The following LRP1B variants were observed in gnomAD, a reference collection of about 807,000 sequenced individuals.
The protein encoded by LRP1B is LDL receptor related protein 1B, also known as low-density lipoprotein receptor-related protein 1B.
LRP1B carries 217 observed loss-of-function variants against 556.6 expected under a neutral mutation model. The observed-to-expected ratio is 0.39, with a 90% CI of 0.35 to 0.44. The LOEUF is 0.44. LRP1B is among the 20% of genes least tolerant of loss of function. The probability of loss-of-function intolerance (pLI) is 1.00; values close to 1 mark genes in which losing one functional copy is unlikely to be tolerated. For synonymous variants in LRP1B, 2,047 were observed against 1,865.8 expected, an observed-to-expected ratio of 1.10 and a Z score of -2.50; for missense variants, 5,053 against 5,620.8, an observed-to-expected ratio of 0.90 and a Z score of 3.23.
At chr2:140,985,557 G>A (rs551839212) in intron 17 of LRP1B, among the ~76,000 whole-genome samples, 2 of 151,686 alleles carry the variant, frequency 1.3e-5, no homozygotes, top group Non-Finnish European at 2.9e-5. Flanking sequence ...CAGTCTCTGG[G>A]TCTCCCTCAG....
intron 2 of LRP1B, among the ~76,000 whole-genome samples, chr2:141,753,263 C>CACATATATATATATATATATAT (rs1553459356): frequency 1.6e-5 from 1 of 62,502 alleles, no homozygotes; most frequent in African/African-American, 6.0e-5. Context: ...TCTCTCTCTC[C>CACATATATATATATATATATAT]ATATATATAT....
chr2:141,997,377 A>ATG (rs199813219), intron 1 of LRP1B, among the ~76,000 whole-genome samples: 121,891 of 144,160 alleles, frequency 0.85, 51,654 homozygotes, highest in East Asian at 0.95. Context: ...AATATCCAAG[A>ATG]TGTGTGTGTG....
At chr2:140,800,275 C>A (rs892149805) in intron 32 of LRP1B, among the ~76,000 whole-genome samples, 4 of 151,988 alleles carry the variant, frequency 2.6e-5, no homozygotes, top group African/African-American at 7.3e-5. Context: ...GGAGGGAAAG[C>A]ATTAGGAAAT....
chr2:140,411,456 C>G (rs1446843633), intron 66 of LRP1B, among the ~76,000 whole-genome samples: 1 of 151,960 alleles, frequency 6.6e-6, no homozygotes, highest in East Asian at 1.9e-4. Context: ...AAACTATATT[C>G]AAATTCTTGC....
At chr2:140,610,698 G>T (rs1683040216) in intron 41 of LRP1B, among the ~76,000 whole-genome samples, 1 of 152,206 alleles carries the variant, frequency 6.6e-6, no homozygotes, top group South Asian at 2.1e-4. Context: ...CCATTCTCCT[G>T]CCTCAGCCTC....
chr2:141,294,470 C>G, intron 3 of LRP1B, among the ~76,000 whole-genome samples: 1 of 151,864 alleles, frequency 6.6e-6, no homozygotes, highest in Admixed American at 6.6e-5. Flanking sequence ...TGCCTGTAAT[C>G]CTATCACTCT....
intron 85 of LRP1B, among the ~76,000 whole-genome samples, chr2:140,273,094 TAA>T (rs1682535059): frequency 6.6e-6 from 1 of 151,772 alleles, no homozygotes; most frequent in South Asian, 2.1e-4. Context: ...TTTTCCAAGG[TAA>T]AATGGGTAGG....
intron 46 of LRP1B, among the ~76,000 whole-genome samples, chr2:140,534,945 A>T (rs1476750435): frequency 6.6e-6 from 1 of 152,184 alleles, no homozygotes; most frequent in African/African-American, 2.4e-5. Flanking sequence ...TTACACTAGC[A>T]GGTTTGGGAA....
intron 2 of LRP1B, among the ~76,000 whole-genome samples, chr2:141,732,261 A>T (rs978203): frequency 0.68 from 104,015 of 152,044 alleles, 37,417 homozygotes; most frequent in East Asian, 0.89. Flanking sequence ...ATTTAAAAAA[A>T]TCTGTAACTG....
intron 5 of LRP1B, among the ~76,000 whole-genome samples, chr2:141,245,747 T>C (rs1684042860): frequency 6.6e-6 from 1 of 152,208 alleles, no homozygotes; most frequent in African/African-American, 2.4e-5. Context: ...GAAAACTGTG[T>C]AGAAACTACA....
At chr2:141,095,608 A>G (rs1179521139) in intron 7 of LRP1B, among the ~76,000 whole-genome samples, 1 of 151,660 alleles carries the variant, frequency 6.6e-6, no homozygotes, top group Non-Finnish European at 1.5e-5. Context: ...TTCAATTTCA[A>G]TTCTTAACCT....
intron 2 of LRP1B, among the ~76,000 whole-genome samples, chr2:141,645,243 A>ATTG (rs886286964): frequency 5.3e-5 from 8 of 152,080 alleles, no homozygotes; most frequent in African/African-American, 1.9e-4. Context: ...GTGGGAATTT[A>ATTG]TTGTTGGGAA....
At chr2:141,323,127 T>C (rs1266644653) in intron 3 of LRP1B, among the ~76,000 whole-genome samples, 1 of 152,086 alleles carries the variant, frequency 6.6e-6, no homozygotes, top group Non-Finnish European at 1.5e-5. Context: ...GTCTTCACTA[T>C]TTTTGCATGA....
intron 55 of LRP1B, among the ~76,000 whole-genome samples, chr2:140,497,750 T>C (rs1166950725): frequency 6.6e-6 from 1 of 151,876 alleles, no homozygotes; most frequent in East Asian, 1.9e-4. Context: ...ATGGGGTTTC[T>C]GAAAATCACT....
At chr2:141,510,368 A>G (rs1290711166) in intron 2 of LRP1B, among the ~76,000 whole-genome samples, 1 of 152,114 alleles carries the variant, frequency 6.6e-6, no homozygotes, top group Non-Finnish European at 1.5e-5. Flanking sequence ...CGTCTCTCTC[A>G]AAAGAAAGAA....
chr2:141,367,974 T>G (rs1459512322), intron 3 of LRP1B, among the ~76,000 whole-genome samples: 4 of 152,122 alleles, frequency 2.6e-5, no homozygotes, highest in Non-Finnish European at 4.4e-5. Context: ...GTGAAAAAGC[T>G]TCACTACAAT....
At chr2:140,369,719 G>A (rs910685124) in intron 71 of LRP1B, among the ~76,000 whole-genome samples, 1 of 151,768 alleles carries the variant, frequency 6.6e-6, no homozygotes, top group African/African-American at 2.4e-5. Context: ...GGTTTGGGAT[G>A]GAGATATTAT....
chr2:141,702,988 T>C (rs1257020281), intron 2 of LRP1B, among the ~76,000 whole-genome samples: 4 of 151,958 alleles, frequency 2.6e-5, no homozygotes, highest in Non-Finnish European at 5.9e-5. Context: ...AAATGAACCT[T>C]GCCATTCTGT....
chr2:141,309,835 C>T, intron 3 of LRP1B, among the ~76,000 whole-genome samples: 1 of 151,828 alleles, frequency 6.6e-6, no homozygotes, highest in East Asian at 1.9e-4. Context: ...CACCCCACCC[C>T]ACTTTTTTTT....
Sources: gnomAD v4.1 joint callset for allele counts (sites outside exome capture counted in the v4.1 genomes callset) on GRCh38, gnomAD v4.1.1 for gene constraint, MANE v1.5 for transcripts, NCBI Gene and HGNC (gene_info 2026-07-23, HGNC 2026-07-21) for gene names.